Variants in LRP1B observed in about 807,000 individuals in gnomAD.
The protein encoded by LRP1B is low-density lipoprotein receptor-related protein 1B.
In LRP1B, 217 loss-of-function variants were observed where a neutral mutation model predicts 556.6. The ratio of observed to expected loss-of-function variants is 0.39; its 90% CI spans 0.35 to 0.44. LRP1B has a LOEUF of 0.44. Ranked by LOEUF, LRP1B falls within the 20% of genes least tolerant of loss-of-function variation. LRP1B has a pLI of 1.00. For synonymous variants in LRP1B, 2,047 were observed against 1,865.8 expected (o/e 1.10, Z -2.50); for missense variants, 5,053 against 5,620.8 (o/e 0.90, Z 3.23).
rs139792347 is a variant in LRP1B at position 140,950,331 on chromosome 2, A to G, written c.3040T>C (p.Ser1014Pro). 2.5e-5 allele frequency: 40 copies of G among 1,612,858 alleles called. No individual in the cohort carries two copies. Among genetic ancestry groups the G allele is most frequent in the Non-Finnish European group, 3.3e-5 (39 of 1,179,442 alleles). The change falls in exon 20 of 91, where the codon TCC becomes CCC. Residue 1014 changes from serine (S) to proline (P), a missense_variant. Coordinates refer to ENST00000389484, the MANE Select transcript of LRP1B (RefSeq NM_018557.3). ...TGGCCTGGGATGCATCTGCCACTGG[A>G]ACATCTGAACTGATTATCAAAGCAA... Reference protein sequence around the residue: ...HSCFDNQFRCSSGRCIPGHWA... With the variant: ...HSCFDNQFRCPSGRCIPGHWA...
intron 7 of LRP1B, among the ~76,000 whole-genome samples, chr2:141,138,664 G>A (rs1426198239): frequency 2.0e-5 from 3 of 151,326 alleles, no homozygotes; most frequent in Non-Finnish European, 3.0e-5. Context: ...TGAATTTATT[G>A]TTTGAAATAT....
intron 7 of LRP1B, among the ~76,000 whole-genome samples, chr2:141,131,621 T>C (rs989672910): frequency 6.6e-6 from 1 of 151,568 alleles, no homozygotes; most frequent in Non-Finnish European, 1.5e-5. Context: ...AAGAAATTAA[T>C]TATGGAAAGA....
At chr2:140,714,770 C>T (rs966101907) in intron 37 of LRP1B, among the ~76,000 whole-genome samples, 5 of 152,038 alleles carry the variant, frequency 3.3e-5, no homozygotes, top group Admixed American at 1.3e-4. Context: ...CAGCCAGGCA[C>T]GGTGGCTCAT....
intron 3 of LRP1B, among the ~76,000 whole-genome samples, chr2:141,449,434 C>T (rs1681325297): frequency 6.6e-6 from 1 of 152,148 alleles, no homozygotes; most frequent in Non-Finnish European, 1.5e-5. Context: ...AAATGACCCC[C>T]ACCAAACCTT....
chr2:141,504,030 C>CTGCCACCTCCAAATACTATCTAAT lies in LRP1B; in HGVS notation c.206-23521_206-23498dup. Among the ~76,000 whole-genome samples, 2 of 152,274 alleles carry CTGCCACCTCCAAATACTATCTAAT rather than the reference C, an allele frequency of 1.3e-5. 1 individual carries two copies. Among genetic ancestry groups the CTGCCACCTCCAAATACTATCTAAT allele is most frequent in the Admixed American group, 1.3e-4 (2 of 15,288 alleles). ...GGAAACGATTTAGGCTATTGGATTT[C>CTGCCACCTCCAAATACTATCTAAT]TGCCACCTCCAAATACTATCTAATA... On this transcript the variant is annotated intron_variant, in intron 2 of 90. Coordinates refer to ENST00000389484, the MANE Select transcript of LRP1B (RefSeq NM_018557.3).
chr2:141,631,529 C>A (rs1242755219), intron 2 of LRP1B, among the ~76,000 whole-genome samples: 2 of 140,340 alleles, frequency 1.4e-5, no homozygotes, highest in African/African-American at 2.6e-5. Context: ...TTAAAATGAA[C>A]CAGTTTTCCA....
intron 18 of LRP1B, among the ~76,000 whole-genome samples, chr2:140,973,854 A>T (rs1157682053): frequency 1.3e-5 from 2 of 152,052 alleles, no homozygotes; most frequent in Non-Finnish European, 2.9e-5. Flanking sequence ...ATCTCCAAAA[A>T]TTTTTCATCT....
chr2:140,374,142 A>G (rs546863259), intron 68 of LRP1B, among the ~76,000 whole-genome samples: 1 of 152,324 alleles, frequency 6.6e-6, no homozygotes, highest in East Asian at 1.9e-4. Context: ...TAGGAGATAA[A>G]TGAAATGGAG....
intron 3 of LRP1B, among the ~76,000 whole-genome samples, chr2:141,287,052 T>C (rs1027976491): frequency 2.6e-5 from 4 of 152,200 alleles, no homozygotes; most frequent in African/African-American, 9.6e-5. Flanking sequence ...AACTCCCCTT[T>C]TATTCCTGGG....
intron 66 of LRP1B, among the ~76,000 whole-genome samples, chr2:140,403,695 A>G (rs1684605717): frequency 6.6e-6 from 1 of 152,206 alleles, no homozygotes; most frequent in South Asian, 2.1e-4. Flanking sequence ...AAATTTGGAA[A>G]ATTTATTTGA....
rs1682374358 is a variant in LRP1B at position 140,358,957 on chromosome 2, A to G, written c.11132-11T>C. 6.2e-7 allele frequency: 1 copy of G among 1,603,940 alleles called. No homozygotes were observed. On this transcript the variant is annotated splice_polypyrimidine_tract_variant and intron_variant, in intron 72 of 90. Transcript: ENST00000389484. ...GACAAAGAAATTTGACTGAAGAAAA[A>G]GAAGAAAAAACAAAGAAGCTCCTTC...
chr2:140,999,650 T>C (rs2105366431), intron 15 of LRP1B, among the ~76,000 whole-genome samples: 1 of 152,220 alleles, frequency 6.6e-6, no homozygotes, highest in South Asian at 2.1e-4. Flanking sequence ...TAAGCATCAA[T>C]CTGAATCATT....
intron 3 of LRP1B, among the ~76,000 whole-genome samples, chr2:141,331,520 T>TTCTCTTTCTTTCTTTCTTTCTTTC (rs1687651587): frequency 3.1e-5 from 1 of 31,834 alleles, no homozygotes; most frequent in Admixed American, 2.4e-4. Flanking sequence ...CTTTCTTTCT[T>TTCTCTTTCTTTCTTTCTTTCTTTC]TCTCTTTCTT....
intron 1 of LRP1B, among the ~76,000 whole-genome samples, chr2:141,926,322 G>A (rs1382197525): frequency 6.6e-6 from 1 of 152,150 alleles, no homozygotes; most frequent in East Asian, 1.9e-4. Context: ...TTTAGGTCTT[G>A]TGACTTACGG....
At chr2:141,533,262 A>C (rs1174722214) in intron 2 of LRP1B, among the ~76,000 whole-genome samples, 3 of 152,236 alleles carry the variant, frequency 2.0e-5, no homozygotes, top group Admixed American at 6.5e-5. Context: ...AGGTGTTGAT[A>C]ATTCATTAGC....
chr2:141,993,148 A>C (rs951912922), intron 1 of LRP1B, among the ~76,000 whole-genome samples: 2 of 152,168 alleles, frequency 1.3e-5, no homozygotes, highest in Admixed American at 1.3e-4. Flanking sequence ...GAGTGAAGAG[A>C]AAGGGAGAGA....
rs1009223214 is a variant in LRP1B at position 140,461,022 on chromosome 2, C to A, written c.9626-3371G>T. 2.7e-5 allele frequency among the ~76,000 whole-genome samples: 4 copies of A among 148,430 alleles called. No homozygotes were observed. The East Asian group carries it at 6.0e-4, about 22-fold the overall frequency. On this transcript the variant is annotated intron_variant, in intron 60 of 90. Coordinates refer to ENST00000389484, the MANE Select transcript of LRP1B (RefSeq NM_018557.3). Reference sequence around the variant, plus strand: ...AGGTTGCAGTGAGCCAAGATCGCACCACTGCACTCCAGCCTGGGTGACAGA... The same window carrying A: ...AGGTTGCAGTGAGCCAAGATCGCACAACTGCACTCCAGCCTGGGTGACAGA...
chr2:140,994,157 G>T (rs201192436), intron 15 of LRP1B, 22 bp from the exon 16 acceptor site: 2 of 1,605,764 alleles, frequency 1.2e-6, no homozygotes, highest in Admixed American at 1.7e-5. Context: ...AAAACCCAAG[G>T]TATATGAATA....
intron 1 of LRP1B, among the ~76,000 whole-genome samples, chr2:141,815,717 C>T (rs1696519999): frequency 6.6e-6 from 1 of 152,196 alleles, no homozygotes; most frequent in African/African-American, 2.4e-5. Context: ...CCACCCCAGC[C>T]AGCAGCAGCA....
Sources: gnomAD v4.1 joint callset for allele counts (sites outside exome capture counted in the v4.1 genomes callset) on GRCh38, gnomAD v4.1.1 for gene constraint, MANE v1.5 for transcripts, NCBI Gene and HGNC (gene_info 2026-07-23, HGNC 2026-07-21) for gene names.